The following HNF1B variants were observed in gnomAD, a reference collection of about 807,000 sequenced individuals.
The protein encoded by HNF1B is hepatocyte nuclear factor 1-beta.
HNF1B carries 8 observed loss-of-function variants against 61.7 expected under a neutral mutation model. That is an observed-to-expected ratio of 0.13 (90% CI 0.08 to 0.23). The LOEUF (loss-of-function observed/expected upper bound fraction) is 0.23, where lower values mean the gene tolerates loss of function less well. HNF1B is among the 10% of genes least tolerant of loss of function. The pLI is 1.00. For missense variants in HNF1B, 562 were observed against 714.5 expected (o/e 0.79, Z 2.43); for synonymous variants, 314 against 287.7 (o/e 1.09, Z -0.93).
chr17:37,687,981 C>T (rs984912721), intron 8 of HNF1B, among the ~76,000 whole-genome samples: 1 of 152,198 alleles, frequency 6.6e-6, no homozygotes, highest in African/African-American at 2.4e-5. Context: ...AGAAAGCACA[C>T]GAGAAAATGA....
chr17:37,705,128 C>T (rs539543667), intron 5 of HNF1B, 79 bp from the exon 6 acceptor site: 32 of 1,419,480 alleles, frequency 2.3e-5, no homozygotes, highest in African/African-American at 7.1e-5. Context: ...TGTGACTTAG[C>T]GATTCCTTGG....
chr17:37,704,105 G>C (rs1053068605), intron 6 of HNF1B, among the ~76,000 whole-genome samples: 1 of 152,188 alleles, frequency 6.6e-6, no homozygotes, highest in Admixed American at 6.5e-5. Context: ...CGACACCTGA[G>C]CTGTCATAGT....
At chr17:37,722,979 C>A (rs2033366898) in intron 4 of HNF1B, among the ~76,000 whole-genome samples, 1 of 152,048 alleles carries the variant, frequency 6.6e-6, no homozygotes, top group Admixed American at 6.5e-5. Context: ...CTCTACCTGG[C>A]AGGTTCCCAG....
At chr17:37,692,626 ATTCTTTGTTAT>A (rs1379310221) in intron 8 of HNF1B, among the ~76,000 whole-genome samples, 2 of 152,220 alleles carry the variant, frequency 1.3e-5, no homozygotes, top group Non-Finnish European at 2.9e-5. Context: ...TCGTTCATTC[ATTCTTTGTTAT>A]TTACTGAACA....
chr17:37,720,864 A>T, intron 4 of HNF1B: 2 of 985,344 alleles, frequency 2.0e-6, no homozygotes, highest in Non-Finnish European at 2.4e-6. Flanking sequence ...TAGGGATGCA[A>T]ACCCTCTAGT....
chr17:37,727,318 G>A (rs1234650620), intron 4 of HNF1B, among the ~76,000 whole-genome samples: 1 of 152,170 alleles, frequency 6.6e-6, no homozygotes, highest in Non-Finnish European at 1.5e-5. Flanking sequence ...GCCAAGAGCT[G>A]GAATAGGGGG....
At chr17:37,740,562 G>A (rs1202861262) in intron 1 of HNF1B, among the ~76,000 whole-genome samples, 2 of 151,726 alleles carry the variant, frequency 1.3e-5, no homozygotes, top group Non-Finnish European at 2.9e-5. Context: ...CAGAGTTTTA[G>A]AAAAGTTTTC....
At chr17:37,695,089 C>A (rs2032340173) in intron 8 of HNF1B, among the ~76,000 whole-genome samples, 2 of 152,130 alleles carry the variant, frequency 1.3e-5, no homozygotes, top group Non-Finnish European at 2.9e-5. Context: ...TCTAGGCAGC[C>A]CCTCCCACTA....
At chr17:37,732,867 G>A (rs1273218845) in intron 3 of HNF1B, among the ~76,000 whole-genome samples, 1 of 150,444 alleles carries the variant, frequency 6.6e-6, no homozygotes, top group Admixed American at 6.6e-5. Context: ...TTTAAATAGA[G>A]ATAGGGTTTC....
chr17:37,724,757 T>A (rs2033436580), intron 4 of HNF1B, among the ~76,000 whole-genome samples: 2 of 152,174 alleles, frequency 1.3e-5, no homozygotes, highest in Admixed American at 6.6e-5. Context: ...ACTTAATAGT[T>A]ACTATCTGGC....
chr17:37,732,034 A>G (rs1179537402), intron 3 of HNF1B, among the ~76,000 whole-genome samples: 1 of 152,146 alleles, frequency 6.6e-6, no homozygotes, highest in Non-Finnish European at 1.5e-5. Flanking sequence ...GTGGGCCTGA[A>G]CGCAGGGACA....
Position 37,687,075 on chromosome 17 carries a change from C to A in HNF1B, c.*297G>T, listed in dbSNP as rs531390531. 6.7e-6 allele frequency: 4 copies of A among 600,588 alleles called. No individual in the cohort carries two copies. Among genetic ancestry groups the A allele is most frequent in the East Asian group, 2.8e-5 (1 of 35,676 alleles). The allele number at this position is 600,588 out of a possible 1,614,324, so 37.2% of individuals were successfully genotyped here. On this transcript the variant is annotated 3_prime_UTR_variant, in exon 9 of 9. Transcript: ENST00000617811. Reference sequence around the variant, plus strand: ...ATGAAGGATCACAACATAGACAGTACGGCTTTCTTGCTTCCTCTTCGGAGG... The same window carrying A: ...ATGAAGGATCACAACATAGACAGTAAGGCTTTCTTGCTTCCTCTTCGGAGG...
chr17:37,723,265 T>G (rs995762600), intron 4 of HNF1B, among the ~76,000 whole-genome samples: 21 of 151,094 alleles, frequency 1.4e-4, no homozygotes, highest in Admixed American at 1.3e-3. Context: ...GAGAATGGCG[T>G]GAACCCGGGA....
At chr17:37,691,768 A>G (rs535617654) in intron 8 of HNF1B, among the ~76,000 whole-genome samples, 1 of 152,296 alleles carries the variant, frequency 6.6e-6, no homozygotes, top group African/African-American at 2.4e-5. Flanking sequence ...AGATCTGCCT[A>G]ACTCCCAGGT....
intron 4 of HNF1B, chr17:37,730,938 C>T (rs2033662410): frequency 6.3e-6 from 1 of 158,188 alleles, no homozygotes; most frequent in Non-Finnish European, 1.4e-5. Flanking sequence ...AAGCCCACAG[C>T]AGAGGCATTC....
intron 1 of HNF1B, 133 bp downstream of exon 1, chr17:37,744,408 G>T: frequency 1.1e-6 from 1 of 876,652 alleles, no homozygotes; most frequent in Non-Finnish European, 1.8e-6. Flanking sequence ...TGGGAGAGAA[G>T]CAGAGCGCCC....
chr17:37,739,643 G>C lies in HNF1B; in HGVS notation c.345-4C>G, dbSNP rs200590728. On this transcript the variant is annotated splice_region_variant and splice_polypyrimidine_tract_variant and intron_variant, in intron 1 of 8. Coordinates refer to ENST00000617811, the MANE Select transcript of HNF1B (RefSeq NM_000458.4). ...AGCAGCCCTCCAAGGGTCCTCACTA[G>C]ACAGACAAGCAGATGGTTAGGGTAC... 4 of 1,607,072 alleles carry C rather than the reference G, an allele frequency of 2.5e-6. No individual in the cohort carries two copies. Among genetic ancestry groups the C allele is most frequent in the Non-Finnish European group, 3.4e-6 (4 of 1,176,274 alleles).
Position 37,687,098 on chromosome 17 carries a change from A to T in HNF1B, c.*274T>A, listed in dbSNP as rs2689. 0.57 allele frequency: 347,861 copies of T among 613,466 alleles called. 100,935 individuals carry two copies. The highest frequency in any genetic ancestry group is 0.8 in the African/African-American group (43,243 of 54,224). The allele number at this position is 613,466 out of a possible 1,614,324, so 38.0% of individuals were successfully genotyped here. ...TACGGCTTTCTTGCTTCCTCTTCGGAGGTTCCTTGTCTCCCACCTCCAGGA... is the reference window on the plus strand; with the variant it reads ...TACGGCTTTCTTGCTTCCTCTTCGGTGGTTCCTTGTCTCCCACCTCCAGGA... On this transcript the variant is annotated 3_prime_UTR_variant, in exon 9 of 9. Transcript: ENST00000617811.
At chr17:37,699,851 A>T (rs2032505883) in intron 7 of HNF1B, among the ~76,000 whole-genome samples, 1 of 152,166 alleles carries the variant, frequency 6.6e-6, no homozygotes, top group Non-Finnish European at 1.5e-5. Context: ...CTGAAGATAG[A>T]AGGCTGGACT....
Sources: gnomAD v4.1 joint callset for allele counts (sites outside exome capture counted in the v4.1 genomes callset) on GRCh38, gnomAD v4.1.1 for gene constraint, MANE v1.5 for transcripts, NCBI Gene and HGNC (gene_info 2026-07-23, HGNC 2026-07-21) for gene names.